SLC8A3: variants seen among roughly 807,000 people sequenced by gnomAD.
SLC8A3 encodes solute carrier family 8 member A3.
A neutral mutation model predicts 65.4 loss-of-function variants in SLC8A3; 37 were observed. The ratio of observed to expected loss-of-function variants is 0.57; its 90% confidence interval spans 0.44 to 0.74. The LOEUF (loss-of-function observed/expected upper bound fraction) is 0.74. SLC8A3 is among the 30% of genes least tolerant of loss of function. The probability of loss-of-function intolerance (pLI) is 0.00; values close to 1 mark genes in which losing one functional copy is unlikely to be tolerated. For missense variants in SLC8A3, 1,112 were observed against 1,172.1 expected, an observed-to-expected ratio of 0.95 and a Z score of 0.75; for synonymous variants, 461 against 444.5, an observed-to-expected ratio of 1.04 and a Z score of -0.47.
intron 2 of SLC8A3, among the ~76,000 whole-genome samples, chr14:70,094,676 G>A (rs1892034718): frequency 1.3e-5 from 2 of 152,206 alleles, no homozygotes; most frequent in Admixed American, 1.3e-4. Context: ...GCCTGCTCAG[G>A]ATGAAGACAG....
At chr14:70,094,637 T>C (rs1228137314) in intron 2 of SLC8A3, among the ~76,000 whole-genome samples, 1 of 152,092 alleles carries the variant, frequency 6.6e-6, no homozygotes, top group East Asian at 1.9e-4. Context: ...CATGGGGACA[T>C]TGAGGGAGGA....
chr14:70,111,691 A>G (rs1018827316), intron 2 of SLC8A3, among the ~76,000 whole-genome samples: 2 of 152,250 alleles, frequency 1.3e-5, no homozygotes, highest in Non-Finnish European at 2.9e-5. Flanking sequence ...GGACTCATAA[A>G]TTATTACCCT....
intron 2 of SLC8A3, among the ~76,000 whole-genome samples, chr14:70,089,564 ATGACACTTTCAAGTTGGGCATGC>A (rs1215265867): frequency 5.3e-5 from 8 of 152,196 alleles, no homozygotes; most frequent in African/African-American, 1.9e-4. Context: ...GGTTTTGAAA[ATGACACTTTCAAGTTGGGCATGC>A]TGACTTGGAG....
At chr14:70,047,318 G>T (rs1253842242) in intron 6 of SLC8A3, 2 of 152,004 alleles carry the variant, frequency 1.3e-5, no homozygotes, top group Non-Finnish European at 2.9e-5. Context: ...TTTTTTGTTT[G>T]TTTGTTTGTT....
chr14:70,055,006 G>A (rs1249898203), intron 3 of SLC8A3, among the ~76,000 whole-genome samples: 1 of 152,028 alleles, frequency 6.6e-6, no homozygotes, highest in East Asian at 1.9e-4. Flanking sequence ...AGTATTGCTA[G>A]ATATGCTGAA....
chr14:70,159,316 T>A (rs1296721736), intron 2 of SLC8A3, among the ~76,000 whole-genome samples: 1 of 150,642 alleles, frequency 6.6e-6, no homozygotes, highest in Non-Finnish European at 1.5e-5. Context: ...GGCTGAGGCA[T>A]GAGAATCGCT....
chr14:70,163,962 A>G (rs1195547367), intron 2 of SLC8A3, among the ~76,000 whole-genome samples: 2 of 152,220 alleles, frequency 1.3e-5, no homozygotes, highest in African/African-American at 4.8e-5. Context: ...TCTTCATAGT[A>G]ACCCCAAACT....
intron 2 of SLC8A3, among the ~76,000 whole-genome samples, chr14:70,084,516 A>G (rs1020423351): frequency 2.0e-5 from 3 of 152,194 alleles, no homozygotes; most frequent in African/African-American, 7.2e-5. Flanking sequence ...TCAAGTTTCT[A>G]AAGTAGCAAA....
Position 70,166,858 on chromosome 14 carries a change from G to A in SLC8A3, c.1565C>T (p.Thr522Ile), listed in dbSNP as rs1897192883. 2 of 1,614,120 alleles carry A rather than the reference G, an allele frequency of 1.2e-6. No homozygotes were observed. Among genetic ancestry groups the A allele is most frequent in the Admixed American group, 1.7e-5 (1 of 60,026 alleles). Residue 522 changes from threonine to isoleucine, a missense_variant, in exon 2 of 7, where the codon ACC becomes ATC. Transcript: ENST00000356921. ...GCCTGCATGGTCATCATCCAAGATG[G>A]TAACTGTGGCCACACAAGGGGAGGC... ...VLASPCVATV[T>I]ILDDDHAGIF...
Position 70,164,004 on chromosome 14 carries a change from G to T in SLC8A3, c.1784+2635C>A, listed in dbSNP as rs74062822. Reference sequence around the variant, plus strand: ...CTCATTACTTAGGGTCACACAAAGAGCCAAGTAACCTAAACAACTCCACAG... The same window carrying T: ...CTCATTACTTAGGGTCACACAAAGATCCAAGTAACCTAAACAACTCCACAG... On this transcript the variant is annotated intron_variant, in intron 2 of 6. Coordinates refer to ENST00000356921, the MANE Select transcript of SLC8A3 (RefSeq NM_182932.3). Among the ~76,000 whole-genome samples the T allele has an allele frequency of 9.4e-3, 1,430 of 152,244 alleles. 19 individuals carry two copies. Among genetic ancestry groups the T allele is most frequent in the African/African-American group, 0.032 (1,313 of 41,542 alleles).
chr14:70,188,265 C>T (rs1228741526), intron 1 of SLC8A3, 114 bp downstream of exon 1: 1 of 152,318 alleles, frequency 6.6e-6, no homozygotes, highest in African/African-American at 2.4e-5. Flanking sequence ...AACTTAACCC[C>T]GTTACTCACA....
intron 2 of SLC8A3, among the ~76,000 whole-genome samples, chr14:70,133,410 A>G (rs1894978109): frequency 6.6e-6 from 1 of 152,172 alleles, no homozygotes; most frequent in East Asian, 1.9e-4. Flanking sequence ...TCACCCAGAA[A>G]AAACTGCAAG....
At chr14:70,165,867 C>T (rs1897134951) in intron 2 of SLC8A3, among the ~76,000 whole-genome samples, 1 of 152,174 alleles carries the variant, frequency 6.6e-6, no homozygotes, top group African/African-American at 2.4e-5. Flanking sequence ...TATTTCCTCC[C>T]ACAATTCCTA....
At chr14:70,111,967 G>C (rs1158100549) in intron 2 of SLC8A3, among the ~76,000 whole-genome samples, 1 of 152,224 alleles carries the variant, frequency 6.6e-6, no homozygotes, top group East Asian at 1.9e-4. Flanking sequence ...AATGGTGGGA[G>C]CTAGAGCTGC....
At chr14:70,113,898 C>T in intron 2 of SLC8A3, among the ~76,000 whole-genome samples, 1 of 34,982 alleles carries the variant, frequency 2.9e-5, no homozygotes, top group African/African-American at 6.1e-5. Context: ...TGACAGTAGC[C>T]TAGGGGACAT....
intron 2 of SLC8A3, among the ~76,000 whole-genome samples, chr14:70,065,173 A>G (rs181342032): frequency 7.2e-5 from 11 of 152,322 alleles, no homozygotes; most frequent in Admixed American, 4.6e-4. Flanking sequence ...TTTATAAAAT[A>G]GGAATCTTTA....
At chr14:70,161,288 CAAAAAAAAAAAAAAAAAA>C (rs5809474) in intron 2 of SLC8A3, among the ~76,000 whole-genome samples, 1 of 33,280 alleles carries the variant, frequency 3.0e-5, no homozygotes, top group Non-Finnish European at 5.0e-5. Flanking sequence ...GACTCCATCT[CAAAAAAAAAAAAAAAAAA>C]AAAAAAAAAA....
intron 2 of SLC8A3, among the ~76,000 whole-genome samples, chr14:70,109,486 A>C (rs1419259301): frequency 6.7e-6 from 1 of 150,208 alleles, no homozygotes; most frequent in East Asian, 1.9e-4. Context: ...ACAGAGTCTC[A>C]CTCTGTTTCC....
In SLC8A3 at chr14:70,045,975, T is replaced by C. The variant is rs1566725904; in HGVS notation, c.2738A>G (p.Glu913Gly). Residue 913 changes from glutamate (E) to glycine (G), a missense_variant, in exon 7 of 7, where the codon GAG becomes GGG. Physicochemically the swap from Glu to Gly is moderately conservative, Grantham distance 98. Coordinates refer to ENST00000356921, the MANE Select transcript of SLC8A3 (RefSeq NM_182932.3). ...GAACCCCTTGATGTAGCAATAGGCC[T>C]CTAGTGTGGCAAAGAGTATGTAGAG... ...WLLYILFATL[E>G]AYCYIKGF 6.2e-7 allele frequency: 1 copy of C among 1,604,376 alleles called. No homozygotes were observed. The highest frequency in any genetic ancestry group is 8.5e-7 in the Non-Finnish European group (1 of 1,173,404).
Sources: allele counts gnomAD v4.1 joint callset (sites outside exome capture counted in the v4.1 genomes callset), GRCh38; gene constraint gnomAD v4.1.1; transcripts MANE v1.5; gene names NCBI Gene and HGNC (gene_info 2026-07-23, HGNC 2026-07-21).